Variants in KNTC1 observed in about 807,000 individuals in gnomAD.
The protein encoded by KNTC1 is kinetochore associated 1.
A neutral mutation model predicts 314.4 loss-of-function variants in KNTC1; 253 were observed. The ratio of observed to expected loss-of-function variants is 0.80; its 90% CI spans 0.73 to 0.89. The LOEUF is 0.89. KNTC1 is among the 40% of genes least tolerant of loss of function. KNTC1 has a pLI of 0.00. For synonymous variants in KNTC1, 901 were observed against 901.4 expected, an observed-to-expected ratio of 1.00 and a Z score of 0.01; for missense variants, 2,475 against 2,572.9, an observed-to-expected ratio of 0.96 and a Z score of 0.82.
chr12:122,621,782 C>A (rs1179283609), intron 60 of KNTC1, 99 bp from the exon 61 acceptor site: 5 of 700,486 alleles, frequency 7.1e-6, no homozygotes, highest in Non-Finnish European at 1.2e-5. Context: ...AAATAGATTT[C>A]TTTTGGCACT....
intron 50 of KNTC1, 91 bp from the exon 51 acceptor site, chr12:122,605,211 GTGTA>G (rs1872455374): frequency 3.1e-6 from 3 of 960,110 alleles, no homozygotes; most frequent in East Asian, 2.6e-5. Context: ...ATACTTATAT[GTGTA>G]TGTATGTGCA....
At chr12:122,585,222 TG>T (rs1219450058) in intron 36 of KNTC1, among the ~76,000 whole-genome samples, 2 of 152,038 alleles carry the variant, frequency 1.3e-5, no homozygotes, top group African/African-American at 4.8e-5. Context: ...ATTTTTTTTT[TG>T]CAGAGACAGG....
intron 22 of KNTC1, 66 bp from the exon 23 acceptor site, chr12:122,570,810 G>T: frequency 2.0e-6 from 2 of 989,098 alleles, no homozygotes; most frequent in Non-Finnish European, 3.0e-6. Context: ...AAAAGAAATC[G>T]TGGAGGTTTT....
chr12:122,603,283 A>G, intron 48 of KNTC1, 40 bp downstream of exon 48: 1 of 1,353,432 alleles, frequency 7.4e-7, no homozygotes. Flanking sequence ...AAAAAAAAAA[A>G]AAAAGTACTC....
intron 1 of KNTC1, among the ~76,000 whole-genome samples, chr12:122,527,831 C>G (rs922829329): frequency 3.9e-5 from 6 of 152,218 alleles, no homozygotes; most frequent in African/African-American, 1.4e-4. Flanking sequence ...TTGCGTACTT[C>G]TTGTTATTCA....
chr12:122,567,885 A>C (rs1768332197), intron 20 of KNTC1, among the ~76,000 whole-genome samples: 1 of 152,148 alleles, frequency 6.6e-6, no homozygotes, highest in African/African-American at 2.4e-5. Flanking sequence ...CCATCTATTC[A>C]GGATGCTGAG....
intron 6 of KNTC1, among the ~76,000 whole-genome samples, chr12:122,542,838 T>G (rs975659822): frequency 2.6e-5 from 4 of 152,192 alleles, no homozygotes; most frequent in African/African-American, 9.7e-5. Context: ...CATTTATCCC[T>G]CTAAGCCAAG....
Position 122,622,507 on chromosome 12 carries a change from G to A in KNTC1, c.6415G>A (p.Gly2139Arg). ...TAATATCATCAATAAGAAGGAGTTT[G>A]GGATTTTGGCAAAGACCAAATACTT... ...LNNIINKKEF[G>R]ILAKTKYFQM... Residue 2139 changes from glycine (G) to arginine (R), a missense_variant, in exon 62 of 64, where the codon GGG becomes AGG. By Grantham distance (125) the Gly-to-Arg change is moderately radical (BLOSUM62 -2). Coordinates refer to ENST00000333479, the MANE Select transcript of KNTC1 (RefSeq NM_014708.6). The A allele has an allele frequency of 2.5e-6, 4 of 1,582,748 alleles. No individual in the cohort carries two copies. The highest frequency in any genetic ancestry group is 2.3e-5 in the East Asian group (1 of 44,298).
chr12:122,529,863 C>G, intron 1 of KNTC1, 128 bp from the exon 2 acceptor site: 1 of 441,018 alleles, frequency 2.3e-6, no homozygotes, highest in Admixed American at 3.9e-5. Flanking sequence ...GTTATTGGCC[C>G]GAAGTGTTTA....
At chr12:122,587,453 T>G (rs939367877) in intron 38 of KNTC1, among the ~76,000 whole-genome samples, 2 of 152,250 alleles carry the variant, frequency 1.3e-5, no homozygotes, top group African/African-American at 4.8e-5. Flanking sequence ...TTATAAATTT[T>G]TATCTTTCAA....
At chr12:122,603,415 C>T (rs1222306257) in intron 48 of KNTC1, among the ~76,000 whole-genome samples, 172 bp downstream of exon 48, 2 of 152,130 alleles carry the variant, frequency 1.3e-5, no homozygotes, top group African/African-American at 4.8e-5. Context: ...CAGGCAATTT[C>T]CAACTTGTCC....
chr12:122,622,697 C>G, intron 62 of KNTC1, 90 bp downstream of exon 62: 2 of 1,111,160 alleles, frequency 1.8e-6, no homozygotes, highest in South Asian at 3.5e-5. Flanking sequence ...GACTGTAATC[C>G]TAGCACTTTG....
intron 20 of KNTC1, among the ~76,000 whole-genome samples, chr12:122,567,068 A>G (rs1964396161): frequency 6.6e-6 from 1 of 151,296 alleles, no homozygotes; most frequent in Non-Finnish European, 1.5e-5. Context: ...CGAGCTAGTG[A>G]TTAAAAAAAA....
At chr12:122,596,972 C>G (rs1871138791) in intron 43 of KNTC1, among the ~76,000 whole-genome samples, 1 of 151,956 alleles carries the variant, frequency 6.6e-6, no homozygotes, top group Non-Finnish European at 1.5e-5. Context: ...TCTTCCTTTT[C>G]TACTTCTTTA....
At position 122,580,224 on chromosome 12, in the gene KNTC1, AT is replaced by A. The variant is rs575933805; in HGVS notation, c.2914+250del. On this transcript the variant is annotated intron_variant, in intron 32 of 63. Transcript: ENST00000333479. ...CACTTACTATTTAGTGCTAGACTAGATTTCCTTAGCGTCTCGCACTCATTGC... is the reference window on the plus strand; with the variant it reads ...CACTTACTATTTAGTGCTAGACTAGATTCCTTAGCGTCTCGCACTCATTGC... 4.6e-5 allele frequency among the ~76,000 whole-genome samples: 7 copies of A among 152,262 alleles called. No individual in the cohort carries two copies. The South Asian group carries it at 1.2e-3, about 27-fold the overall frequency.
chr12:122,575,448 G>A (rs997424532), intron 27 of KNTC1, 95 bp from the exon 28 acceptor site: 4 of 758,200 alleles, frequency 5.3e-6, no homozygotes, highest in Non-Finnish European at 9.2e-6. Flanking sequence ...ACTACCATGT[G>A]GTTGATGTAA....
At position 122,603,165 on chromosome 12, in the gene KNTC1, G is replaced by C; in HGVS notation, c.5023G>C (p.Glu1675Gln). 1 of 1,612,972 alleles carries C rather than the reference G, an allele frequency of 6.2e-7. No homozygotes were observed. The highest frequency in any genetic ancestry group is 1.1e-5 in the South Asian group (1 of 90,962). ...AATAACTAAGATCACGCAGACCATC[G>C]AATCCTGCTTACTCTCTATAGTCAA... ...KEITKITQTIESCLLSIVNPE... is the reference protein window; with the variant it reads ...KEITKITQTIQSCLLSIVNPE... Residue 1675 changes from glutamate to glutamine, a missense_variant, in exon 48 of 64, where the codon GAA becomes CAA. Coordinates refer to ENST00000333479, the MANE Select transcript of KNTC1 (RefSeq NM_014708.6).
intron 6 of KNTC1, 112 bp from the exon 7 acceptor site, chr12:122,543,488 C>A: frequency 1.3e-6 from 1 of 787,180 alleles, no homozygotes; most frequent in Non-Finnish European, 2.0e-6. Flanking sequence ...TAATTCTCAC[C>A]AGTGTTCTTT....
At chr12:122,601,114 G>A (rs886492955) in intron 44 of KNTC1, among the ~76,000 whole-genome samples, 16 of 151,390 alleles carry the variant, frequency 1.1e-4, no homozygotes, top group African/African-American at 3.2e-4. Context: ...ATGGAGTCTC[G>A]CTCTGTCACC....
Sources: gnomAD v4.1 joint callset for allele counts (sites outside exome capture counted in the v4.1 genomes callset) on GRCh38, gnomAD v4.1.1 for gene constraint, MANE v1.5 for transcripts, NCBI Gene and HGNC (gene_info 2026-07-23, HGNC 2026-07-21) for gene names.